NALF1: variants seen among roughly 807,000 people sequenced by gnomAD.
NALF1 encodes the protein family with sequence similarity 155 member A.
A neutral mutation model predicts 48.4 loss-of-function variants in NALF1; 3 were observed. That is an observed-to-expected ratio of 0.06 (90% CI 0.03 to 0.16). The LOEUF (loss-of-function observed/expected upper bound fraction) is 0.16, where lower values mean the gene tolerates loss of function less well. Ranked by LOEUF, NALF1 falls within the 10% of genes least tolerant of loss-of-function variation. The pLI is 1.00. For synonymous variants in NALF1, 262 were observed against 245.7 expected, an observed-to-expected ratio of 1.07 and a Z score of -0.62; for missense variants, 526 against 571.5, an observed-to-expected ratio of 0.92 and a Z score of 0.81.
At chr13:107,523,843 C>T (rs570394410) in intron 1 of NALF1, among the ~76,000 whole-genome samples, 116 of 151,990 alleles carry the variant, frequency 7.6e-4, no homozygotes, top group Admixed American at 1.5e-3. Flanking sequence ...CCAAAGAAAA[C>T]CAATACTAAA....
At chr13:107,752,665 A>G (rs1467902386) in intron 1 of NALF1, among the ~76,000 whole-genome samples, 2 of 152,192 alleles carry the variant, frequency 1.3e-5, no homozygotes, top group Non-Finnish European at 2.9e-5. Context: ...GTTCCTTCTG[A>G]AGGTCAATCT....
chr13:107,853,781 C>T (rs1880375656), intron 1 of NALF1, among the ~76,000 whole-genome samples: 1 of 152,024 alleles, frequency 6.6e-6, no homozygotes, highest in South Asian at 2.1e-4. Context: ...ATAAAACACA[C>T]AAAAATAGAT....
chr13:107,376,152 C>T (rs1309934414), intron 1 of NALF1, among the ~76,000 whole-genome samples: 2 of 152,166 alleles, frequency 1.3e-5, no homozygotes, highest in Non-Finnish European at 2.9e-5. Context: ...CTCCTGCCAA[C>T]AACATCAGAA....
intron 1 of NALF1, among the ~76,000 whole-genome samples, chr13:107,293,254 A>G (rs1021125051): frequency 1.2e-4 from 19 of 152,068 alleles, no homozygotes; most frequent in Non-Finnish European, 2.6e-4. Context: ...TGCTAGGATT[A>G]CAGGTGTGAG....
At chr13:107,309,925 A>G (rs151056219) in intron 1 of NALF1, among the ~76,000 whole-genome samples, 57 of 152,292 alleles carry the variant, frequency 3.7e-4, no homozygotes, top group Non-Finnish European at 6.6e-4. Flanking sequence ...ATTCCTCTTA[A>G]GCAGTCCTTT....
At chr13:107,459,545 TC>T (rs775635740) in intron 1 of NALF1, among the ~76,000 whole-genome samples, 21 of 152,268 alleles carry the variant, frequency 1.4e-4, no homozygotes, top group Middle Eastern at 3.4e-3. Context: ...AATAATATTG[TC>T]CTGCAGTATT....
intron 1 of NALF1, among the ~76,000 whole-genome samples, chr13:107,587,647 T>C (rs1878495739): frequency 6.6e-6 from 1 of 152,126 alleles, no homozygotes; most frequent in Non-Finnish European, 1.5e-5. Context: ...GATTACCAGG[T>C]GATTTTAAAA....
At chr13:107,570,784 C>T (rs1438499891) in intron 1 of NALF1, among the ~76,000 whole-genome samples, 4 of 151,782 alleles carry the variant, frequency 2.6e-5, no homozygotes, top group Non-Finnish European at 5.9e-5. Flanking sequence ...TTAATAGACA[C>T]TTGCAGTAAA....
chr13:107,413,196 A>AG (rs144712588), intron 1 of NALF1, among the ~76,000 whole-genome samples: 6,359 of 152,282 alleles, frequency 0.042, 264 homozygotes, highest in Admixed American at 0.13. Flanking sequence ...TGAAATAGTT[A>AG]GTATTCATTA....
intron 1 of NALF1, among the ~76,000 whole-genome samples, chr13:107,215,888 AC>A (rs1344388386): frequency 2.6e-5 from 4 of 152,208 alleles, no homozygotes; most frequent in African/African-American, 9.6e-5. Flanking sequence ...AATATATATT[AC>A]CCCCATCTCC....
chr13:107,827,301 T>G (rs1306243444), intron 1 of NALF1, among the ~76,000 whole-genome samples: 1 of 152,260 alleles, frequency 6.6e-6, no homozygotes, highest in Non-Finnish European at 1.5e-5. Context: ...GCAGATTTAC[T>G]TAGCGTGTTT....
At chr13:107,774,014 G>A (rs1334694243) in intron 1 of NALF1, among the ~76,000 whole-genome samples, 1 of 152,092 alleles carries the variant, frequency 6.6e-6, no homozygotes, top group Non-Finnish European at 1.5e-5. Context: ...TAAACTATTA[G>A]TTAAGTCAGC....
chr13:107,852,232 A>G (rs1880338401), intron 1 of NALF1, among the ~76,000 whole-genome samples: 1 of 151,944 alleles, frequency 6.6e-6, no homozygotes, highest in African/African-American at 2.4e-5. Context: ...AATGGCTTAC[A>G]TTTTTCCATG....
intron 1 of NALF1, among the ~76,000 whole-genome samples, chr13:107,220,528 G>A (rs1879967792): frequency 6.6e-6 from 1 of 152,182 alleles, no homozygotes; most frequent in African/African-American, 2.4e-5. Flanking sequence ...GGCTGCCTAG[G>A]TACCATCCAA....
chr13:107,465,840 G>A (rs1884993486), intron 1 of NALF1: 1 of 152,234 alleles, frequency 6.6e-6, no homozygotes, highest in African/African-American at 2.4e-5. Flanking sequence ...CCTTTTAGCT[G>A]TGTCCTCAAA....
At chr13:107,271,052 C>T (rs548878777) in intron 1 of NALF1, among the ~76,000 whole-genome samples, 5 of 152,200 alleles carry the variant, frequency 3.3e-5, no homozygotes, top group East Asian at 1.9e-4. Context: ...CTGAAGCATC[C>T]GTCTCAGATT....
intron 1 of NALF1, among the ~76,000 whole-genome samples, chr13:107,543,273 A>G (rs1877041352): frequency 6.6e-6 from 1 of 152,112 alleles, no homozygotes. Context: ...AACTAATGCT[A>G]CATAATATGT....
intron 1 of NALF1, among the ~76,000 whole-genome samples, chr13:107,487,685 G>A (rs561126790): frequency 1.1e-3 from 166 of 152,170 alleles, no homozygotes; most frequent in Non-Finnish European, 1.7e-3. Context: ...GTTTGCTAGT[G>A]TTTTTTTGAG....
chr13:107,182,004 A>G (rs916940225), intron 2 of NALF1, among the ~76,000 whole-genome samples: 2 of 151,836 alleles, frequency 1.3e-5, no homozygotes, highest in African/African-American at 4.8e-5. Flanking sequence ...TTTTTTCCAT[A>G]ATTTTTCTTT....
Sources: gnomAD v4.1 joint callset for allele counts (sites outside exome capture counted in the v4.1 genomes callset) on GRCh38, gnomAD v4.1.1 for gene constraint, MANE v1.5 for transcripts, NCBI Gene and HGNC (gene_info 2026-07-23, HGNC 2026-07-21) for gene names.